The following IL20RB variants were observed in gnomAD, a reference collection of about 807,000 sequenced individuals.
IL20RB encodes interleukin 20 receptor subunit beta.
IL20RB carries 21 observed loss-of-function variants against 33.3 expected under a neutral mutation model. That is an observed-to-expected ratio of 0.63 (90% CI 0.45 to 0.91). The LOEUF is 0.91. Ranked by LOEUF, IL20RB falls within the 40% of genes least tolerant of loss-of-function variation. The pLI is 0.00. For missense variants in IL20RB, 345 were observed against 384.8 expected (o/e 0.90, Z 0.86); for synonymous variants, 147 against 146.8 (o/e 1.00, Z -0.01).
chr3:137,010,170 T>C lies in IL20RB; in HGVS notation c.883T>C (p.Cys295Arg). 1.2e-6 allele frequency: 2 copies of C among 1,609,898 alleles called. No homozygotes were observed. Among genetic ancestry groups the C allele is most frequent in the Non-Finnish European group, 1.7e-6 (2 of 1,176,106 alleles). The change falls in exon 7 of 7, where the codon TGT (cysteine) becomes CGT (arginine). Residue 295 changes from cysteine (C) to arginine (R), a missense_variant. Transcript: ENST00000329582. ...ISCRREEVDACATAVMSPEEL... is the reference protein window; with the variant it reads ...ISCRREEVDARATAVMSPEEL... ...CTGCAGAAGGGAGGAGGTGGATGCC[T>C]GTGCCACGGCTGTGATGTCTCCTGA...
intron 1 of IL20RB, among the ~76,000 whole-genome samples, chr3:136,960,138 C>CT (rs10540948): frequency 0.033 from 1,187 of 36,228 alleles, 424 homozygotes; most frequent in Non-Finnish European, 0.047. Context: ...AGAGTTGTGG[C>CT]TTTTTTTTTT....
At chr3:136,974,978 C>G (rs1941580368) in intron 1 of IL20RB, among the ~76,000 whole-genome samples, 1 of 152,108 alleles carries the variant, frequency 6.6e-6, no homozygotes, top group African/African-American at 2.4e-5. Context: ...AAATATCTAT[C>G]TCTTTGGAAA....
intron 3 of IL20RB, among the ~76,000 whole-genome samples, chr3:136,988,506 G>A (rs1250701705): frequency 1.2e-4 from 19 of 152,166 alleles, no homozygotes; most frequent in East Asian, 7.7e-4. Context: ...TTGGGAGCTC[G>A]AGGTGGGCGA....
intron 3 of IL20RB, among the ~76,000 whole-genome samples, chr3:136,983,501 G>A (rs1314061017): frequency 2.0e-5 from 3 of 152,194 alleles, no homozygotes; most frequent in Non-Finnish European, 2.9e-5. Context: ...TACTCCTACT[G>A]ATCCCAAGAG....
chr3:136,984,162 C>G (rs974247719), intron 3 of IL20RB, among the ~76,000 whole-genome samples: 1 of 152,134 alleles, frequency 6.6e-6, no homozygotes, highest in Non-Finnish European at 1.5e-5. Context: ...CAGCTAAAGG[C>G]TTGGAAGTAG....
intron 1 of IL20RB, among the ~76,000 whole-genome samples, chr3:136,962,536 G>A (rs1457308058): frequency 1.3e-5 from 2 of 152,102 alleles, no homozygotes; most frequent in Non-Finnish European, 2.9e-5. Flanking sequence ...GGTGGATCAC[G>A]AGGTCAGGAG....
At chr3:136,960,810 TAGA>T (rs1374240311) in intron 1 of IL20RB, among the ~76,000 whole-genome samples, 1 of 152,042 alleles carries the variant, frequency 6.6e-6, no homozygotes, top group Non-Finnish European at 1.5e-5. Context: ...TAAAACAAGG[TAGA>T]AGAAGGGAGG....
Position 136,991,994 on chromosome 3 carries a change from G to A in IL20RB, c.588G>A (p.Glu196=), listed in dbSNP as rs1942042144. The change falls in exon 5 of 7, where the codon GAG becomes GAA. Residue 196 remains glutamate, a synonymous_variant. Transcript: ENST00000329582. ...GGIPVHLETM[E]PGAAYCVKAQ... ...TTCCAGTGCACCTAGAAACCATGGA[G>A]CCAGGGGCTGCATACTGTGTGAAGG... The A allele has an allele frequency of 6.2e-7, 1 of 1,614,120 alleles. No individual in the cohort carries two copies. Among genetic ancestry groups the A allele is most frequent in the African/African-American group, 1.3e-5 (1 of 74,950 alleles).
chr3:136,987,312 A>T (rs1215403384), intron 3 of IL20RB, among the ~76,000 whole-genome samples: 1 of 152,138 alleles, frequency 6.6e-6, no homozygotes, highest in African/African-American at 2.4e-5. Flanking sequence ...CAGAGTATAG[A>T]CACAAAGGTT....
chr3:136,960,685 A>T (rs1941194983), intron 1 of IL20RB, among the ~76,000 whole-genome samples: 1 of 152,192 alleles, frequency 6.6e-6, no homozygotes, highest in South Asian at 2.1e-4. Context: ...GGAGAGGTTC[A>T]GTTATTTGTC....
chr3:136,971,678 C>T (rs1211410280), intron 1 of IL20RB, among the ~76,000 whole-genome samples: 4 of 152,176 alleles, frequency 2.6e-5, no homozygotes, highest in Non-Finnish European at 5.9e-5. Context: ...CTTTTTATGA[C>T]TGAATAAATA....
intron 2 of IL20RB, among the ~76,000 whole-genome samples, chr3:136,981,033 G>A (rs1330273736): frequency 6.6e-6 from 1 of 152,142 alleles, no homozygotes; most frequent in East Asian, 1.9e-4. Context: ...AGGTGTTCAG[G>A]TGCTTGCAGC....
chr3:136,980,656 C>T, intron 2 of IL20RB, 64 bp downstream of exon 2: 1 of 1,590,900 alleles, frequency 6.3e-7, no homozygotes, highest in Non-Finnish European at 8.6e-7. Flanking sequence ...AGGCATAGCC[C>T]TTCCTCCTGA....
chr3:136,982,675 CTGAT>C (rs1455227703), intron 3 of IL20RB, among the ~76,000 whole-genome samples: 1 of 130,868 alleles, frequency 7.6e-6, no homozygotes. Flanking sequence ...GCTCCCTACT[CTGAT>C]TGTGCCTCCA....
intron 2 of IL20RB, among the ~76,000 whole-genome samples, chr3:136,981,265 TTTAAATTAAA>T (rs3054095): frequency 3.4e-5 from 5 of 146,424 alleles, no homozygotes; most frequent in South Asian, 2.2e-4. Context: ...GCTATTTAAA[TTTAAATTAAA>T]TTAAATTAAA....
chr3:136,971,479 C>G (rs1435364010), intron 1 of IL20RB, among the ~76,000 whole-genome samples: 1 of 152,208 alleles, frequency 6.6e-6, no homozygotes, highest in African/African-American at 2.4e-5. Flanking sequence ...GTCTCTTCAT[C>G]CTCCCACTCC....
chr3:136,980,183 A>T (rs1941732242), intron 1 of IL20RB: 1 of 435,520 alleles, frequency 2.3e-6, no homozygotes, highest in South Asian at 2.4e-5. Context: ...ATTAATATTG[A>T]TATGTCATTT....
At chr3:136,958,526 C>T (rs746154346) in intron 1 of IL20RB, among the ~76,000 whole-genome samples, 2 of 152,166 alleles carry the variant, frequency 1.3e-5, no homozygotes, top group African/African-American at 4.8e-5. Flanking sequence ...TTCAGACTTA[C>T]TGTGTGTGTC....
intron 1 of IL20RB, among the ~76,000 whole-genome samples, chr3:136,975,776 A>G (rs112279310): frequency 0.011 from 1,605 of 152,270 alleles, 15 homozygotes; most frequent in Non-Finnish European, 0.016. Context: ...ACAGGCCCCA[A>G]TTGTGGCAGT....
Sources: gnomAD v4.1 joint callset for allele counts (sites outside exome capture counted in the v4.1 genomes callset) on GRCh38, gnomAD v4.1.1 for gene constraint, MANE v1.5 for transcripts, NCBI Gene and HGNC (gene_info 2026-07-23, HGNC 2026-07-21) for gene names.